Variants in KAZN observed in about 807,000 individuals in gnomAD.
The protein encoded by KAZN is kazrin.
In KAZN, 40 loss-of-function variants were observed where a neutral mutation model predicts 87.4. The observed-to-expected ratio is 0.46, with a 90% confidence interval of 0.36 to 0.60. KAZN has a LOEUF of 0.60. KAZN is among the 20% of genes least tolerant of loss of function. The pLI is 0.00. For missense variants in KAZN, 898 were observed against 1,073.9 expected (o/e 0.84, Z 2.29); for synonymous variants, 466 against 458.3 (o/e 1.02, Z -0.22).
At chr1:14,529,357 T>C (rs1363872976) in intron 2 of KAZN, among the ~76,000 whole-genome samples, 2 of 152,170 alleles carry the variant, frequency 1.3e-5, no homozygotes, top group Non-Finnish European at 2.9e-5. Context: ...CATCCCGCTA[T>C]CCAATGGAAG....
chr1:14,928,317 C>T (rs947227841), intron 1 of KAZN, among the ~76,000 whole-genome samples: 3 of 152,042 alleles, frequency 2.0e-5, no homozygotes, highest in African/African-American at 7.2e-5. Flanking sequence ...GGCGTGTTGG[C>T]GGGCGCCTGT....
intron 1 of KAZN, among the ~76,000 whole-genome samples, chr1:14,762,120 G>T (rs1015270336): frequency 2.6e-5 from 4 of 152,070 alleles, no homozygotes; most frequent in Non-Finnish European, 5.9e-5. Context: ...TTCCAGAAGT[G>T]CTTTGGTAAC....
At chr1:14,307,363 C>T (rs1022061447) in intron 2 of KAZN, among the ~76,000 whole-genome samples, 2 of 152,166 alleles carry the variant, frequency 1.3e-5, no homozygotes, top group African/African-American at 4.8e-5. Context: ...GTCGTTTCAG[C>T]CCTGATGTTT....
At chr1:14,186,183 T>C (rs1350876908) in intron 2 of KAZN, among the ~76,000 whole-genome samples, 1 of 152,330 alleles carries the variant, frequency 6.6e-6, no homozygotes, top group South Asian at 2.1e-4. Context: ...TTATGTTACA[T>C]TTTTTGATCC....
chr1:14,758,238 T>G (rs1193633369), intron 1 of KAZN, among the ~76,000 whole-genome samples: 1 of 151,858 alleles, frequency 6.6e-6, no homozygotes, highest in African/African-American at 2.4e-5. Flanking sequence ...CCATTATACC[T>G]CACTGCAGCC....
At chr1:14,588,314 G>A (rs1267962730) in intron 2 of KAZN, among the ~76,000 whole-genome samples, 5 of 152,172 alleles carry the variant, frequency 3.3e-5, no homozygotes, top group African/African-American at 9.7e-5. Flanking sequence ...GAGGTATATG[G>A]TTGCTGAAAT....
At position 14,327,921 on chromosome 1, in the gene KAZN, T is replaced by G. The variant is rs551023461; in HGVS notation, c.249+147329T>G. 5.9e-5 allele frequency among the ~76,000 whole-genome samples: 9 copies of G among 152,348 alleles called. No homozygotes were observed. The South Asian group carries it at 1.9e-3, about 32-fold the overall frequency. ...AATAAGATGGTCTTGCTAAGCTATC[T>G]GGAAGTGAATCTTTCATAATAAAAT... On this transcript the variant is annotated intron_variant, in intron 2 of 16. Transcript: ENST00000636203.
chr1:14,611,613 C>T (rs868548241), intron 1 of KAZN, among the ~76,000 whole-genome samples: 13 of 150,926 alleles, frequency 8.6e-5, no homozygotes, highest in African/African-American at 3.2e-4. Context: ...AACTTGGGAC[C>T]AGGAGTTTGA....
intron 1 of KAZN, among the ~76,000 whole-genome samples, chr1:14,128,101 G>A (rs1436971222): frequency 6.6e-6 from 1 of 152,200 alleles, no homozygotes; most frequent in Non-Finnish European, 1.5e-5. Context: ...AAGTGAGCCA[G>A]TGGGGCAGTG....
At chr1:14,579,071 G>T (rs985467085) in intron 2 of KAZN, among the ~76,000 whole-genome samples, 1 of 152,106 alleles carries the variant, frequency 6.6e-6, no homozygotes, top group African/African-American at 2.4e-5. Context: ...TTAGAAGTCA[G>T]CACAGAAGAG....
At chr1:14,957,848 G>A (rs1663333247) in intron 1 of KAZN, among the ~76,000 whole-genome samples, 1 of 152,242 alleles carries the variant, frequency 6.6e-6, no homozygotes, top group South Asian at 2.1e-4. Flanking sequence ...GGCACCGAGT[G>A]AGATGTGCCT....
chr1:14,922,292 C>T (rs578218690), intron 1 of KAZN, among the ~76,000 whole-genome samples: 88 of 152,284 alleles, frequency 5.8e-4, no homozygotes, highest in African/African-American at 2.1e-3. Flanking sequence ...ACCAGATTCT[C>T]CAGGATGCAG....
chr1:14,455,439 G>A (rs866450049), intron 2 of KAZN, among the ~76,000 whole-genome samples: 14 of 152,098 alleles, frequency 9.2e-5, no homozygotes, highest in Middle Eastern at 3.2e-3. Context: ...GGATCACTGC[G>A]GGCCATCTTG....
intron 2 of KAZN, among the ~76,000 whole-genome samples, chr1:15,010,685 C>G (rs778246024): frequency 2.6e-5 from 4 of 152,150 alleles, no homozygotes; most frequent in African/African-American, 4.8e-5. Context: ...CCACCACTCC[C>G]GGCCCGTCTT....
intron 1 of KAZN, among the ~76,000 whole-genome samples, chr1:14,078,958 T>G (rs2101583490): frequency 6.6e-6 from 1 of 152,304 alleles, no homozygotes; most frequent in South Asian, 2.1e-4. Context: ...AGTGCTGGGA[T>G]TACAGGCGTG....
intron 2 of KAZN, among the ~76,000 whole-genome samples, chr1:14,199,173 G>T (rs981912966): frequency 1.3e-5 from 2 of 152,146 alleles, no homozygotes; most frequent in African/African-American, 4.8e-5. Flanking sequence ...ATTGCATTTA[G>T]AATAAATCCA....
chr1:14,391,089 G>A (rs1662378850), intron 2 of KAZN, among the ~76,000 whole-genome samples: 1 of 152,194 alleles, frequency 6.6e-6, no homozygotes, highest in South Asian at 2.1e-4. Context: ...AACATCAACT[G>A]GGGTAGGAGA....
chr1:14,323,811 T>G (rs139902459), intron 2 of KAZN, among the ~76,000 whole-genome samples: 1 of 152,306 alleles, frequency 6.6e-6, no homozygotes, highest in Non-Finnish European at 1.5e-5. Context: ...GCAAAGGAGA[T>G]GATGGCTGTA....
intron 1 of KAZN, among the ~76,000 whole-genome samples, chr1:13,947,618 C>T (rs1641194519): frequency 6.6e-6 from 1 of 152,146 alleles, no homozygotes; most frequent in Non-Finnish European, 1.5e-5. Context: ...ATTAGTCTGC[C>T]CTGGCTGCCG....
Sources: gnomAD v4.1 joint callset for allele counts (sites outside exome capture counted in the v4.1 genomes callset) on GRCh38, gnomAD v4.1.1 for gene constraint, MANE v1.5 for transcripts, NCBI Gene and HGNC (gene_info 2026-07-23, HGNC 2026-07-21) for gene names.